The following PRKCA variants were observed in gnomAD, a reference collection of about 807,000 sequenced individuals.
PRKCA encodes the protein protein kinase C alpha type.
PRKCA carries 27 observed loss-of-function variants against 87.0 expected under a neutral mutation model. The ratio of observed to expected loss-of-function variants is 0.31; its 90% CI spans 0.23 to 0.43. The LOEUF is 0.43. Ranked by LOEUF, PRKCA falls within the 20% of genes least tolerant of loss-of-function variation. PRKCA has a pLI of 1.00. For missense variants in PRKCA, 518 were observed against 852.3 expected, an observed-to-expected ratio of 0.61 and a Z score of 4.88; for synonymous variants, 329 against 311.1, an observed-to-expected ratio of 1.06 and a Z score of -0.61.
chr17:66,711,108 C>G (rs1294745620), intron 8 of PRKCA, among the ~76,000 whole-genome samples: 2 of 151,364 alleles, frequency 1.3e-5, no homozygotes, highest in African/African-American at 4.9e-5. Context: ...TCAAAACCTC[C>G]TATCAGTGAT....
chr17:66,736,965 C>T (rs1383157761), intron 10 of PRKCA, among the ~76,000 whole-genome samples: 2 of 152,100 alleles, frequency 1.3e-5, no homozygotes, highest in African/African-American at 4.8e-5. Flanking sequence ...AAAAAGTTTG[C>T]TGAGCTCTGT....
chr17:66,498,484 C>G (rs1013941806), intron 3 of PRKCA, among the ~76,000 whole-genome samples: 1 of 152,136 alleles, frequency 6.6e-6, no homozygotes, highest in Non-Finnish European at 1.5e-5. Context: ...TTTTTCTTCC[C>G]CCTCCTACTT....
rs1485055138 is a variant in PRKCA at position 66,587,895 on chromosome 17, G to GTGTGTATATATA, written c.289-53459_289-53458insGTGTATATATAT. 4.7e-5 allele frequency among the ~76,000 whole-genome samples: 4 copies of GTGTGTATATATA among 85,394 alleles called. No homozygotes were observed. In the South Asian group the frequency reaches 1.3e-3, roughly 29 times the overall value. 56.0% of individuals were successfully genotyped at this position (85,394 alleles called of 152,430 possible). A position where few individuals can be genotyped will look rare whatever the true frequency, so the allele number is the denominator to read the frequency against. On this transcript the variant is annotated intron_variant, in intron 3 of 16. Coordinates refer to ENST00000413366, the MANE Select transcript of PRKCA (RefSeq NM_002737.3). ...TGTGTGTGTGTGTGTGTGTGTGTGT[G>GTGTGTATATATA]TATATATATATATATATATATATAT...
chr17:66,374,998 G>C (rs1459432720), intron 2 of PRKCA, among the ~76,000 whole-genome samples: 1 of 152,064 alleles, frequency 6.6e-6, no homozygotes, highest in African/African-American at 2.4e-5. Flanking sequence ...CTCTCGAAGT[G>C]CTGGGATTAC....
rs184478807 is a variant in PRKCA at position 66,334,377 on chromosome 17, C to T, written c.205+28250C>T. Among the ~76,000 whole-genome samples, 84 of 152,224 alleles carry T rather than the reference C, an allele frequency of 5.5e-4. 1 individual carries two copies. Among genetic ancestry groups the T allele is most frequent in the South Asian group, 5.0e-3 (24 of 4,824 alleles). On this transcript the variant is annotated intron_variant, in intron 2 of 16. Coordinates refer to ENST00000413366, the MANE Select transcript of PRKCA (RefSeq NM_002737.3). ...TTCTGTCTTTTTAAGTGTGTGTGTG[C>T]TTATTTTTTTTTCCTCATGTTACAA...
intron 2 of PRKCA, among the ~76,000 whole-genome samples, chr17:66,414,530 C>T (rs886945882): frequency 1.3e-5 from 2 of 152,168 alleles, no homozygotes; most frequent in African/African-American, 4.8e-5. Context: ...AATGAGAGAA[C>T]AGATGAATAC....
rs563270860 is a variant in PRKCA at position 66,716,699 on chromosome 17, A to G, written c.919-15989A>G. Among the ~76,000 whole-genome samples, 20 of 152,280 alleles carry G rather than the reference A, an allele frequency of 1.3e-4. No homozygotes were observed. The East Asian group carries it at 3.3e-3, about 25-fold the overall frequency. ...AATTTGGTTGGCTGCAAAGAAAATCACACACCGGGATACTAGAGGTGAATA... is the reference window on the plus strand; with the variant it reads ...AATTTGGTTGGCTGCAAAGAAAATCGCACACCGGGATACTAGAGGTGAATA... On this transcript the variant is annotated intron_variant, in intron 8 of 16. Transcript: ENST00000413366.
chr17:66,447,523 T>C (rs1229541566), intron 2 of PRKCA, among the ~76,000 whole-genome samples: 1 of 152,190 alleles, frequency 6.6e-6, no homozygotes, highest in Non-Finnish European at 1.5e-5. Flanking sequence ...GTTTTCTTGC[T>C]AAAGTGCAGC....
At chr17:66,558,928 C>T (rs891079736) in intron 3 of PRKCA, among the ~76,000 whole-genome samples, 9 of 152,116 alleles carry the variant, frequency 5.9e-5, no homozygotes, top group Admixed American at 4.6e-4. Flanking sequence ...TCTGATGCTG[C>T]CCTACTAAAG....
intron 3 of PRKCA, among the ~76,000 whole-genome samples, chr17:66,531,400 C>T (rs764210716): frequency 6.6e-6 from 1 of 152,210 alleles, no homozygotes; most frequent in African/African-American, 2.4e-5. Flanking sequence ...ATTAAATCCA[C>T]ATCTCCGGGG....
intron 13 of PRKCA, among the ~76,000 whole-genome samples, chr17:66,756,689 T>C (rs1034670208): frequency 6.6e-6 from 1 of 151,404 alleles, no homozygotes; most frequent in Non-Finnish European, 1.5e-5. Context: ...GGAGATGGAG[T>C]CTTGCTCTGT....
chr17:66,503,191 G>C (rs144792340), intron 3 of PRKCA, among the ~76,000 whole-genome samples: 1 of 152,104 alleles, frequency 6.6e-6, no homozygotes, highest in South Asian at 2.1e-4. Flanking sequence ...TCGCGTTTTT[G>C]TTGAGCCATT....
At chr17:66,732,647 A>G (rs1429450257) in intron 8 of PRKCA, 41 bp from the exon 9 acceptor site, 1 of 1,611,580 alleles carries the variant, frequency 6.2e-7, no homozygotes, top group Non-Finnish European at 8.5e-7. Flanking sequence ...CTTTCCCCAG[A>G]AAAATGACCC....
At chr17:66,552,705 A>G (rs1018245849) in intron 3 of PRKCA, among the ~76,000 whole-genome samples, 1 of 152,172 alleles carries the variant, frequency 6.6e-6, no homozygotes, top group African/African-American at 2.4e-5. Context: ...CTAATCACAT[A>G]AGTGACAACC....
chr17:66,565,754 T>C (rs961453921), intron 3 of PRKCA, among the ~76,000 whole-genome samples: 3 of 152,036 alleles, frequency 2.0e-5, no homozygotes, highest in Admixed American at 2.0e-4. Context: ...TGTGCCCTCC[T>C]GTCTTGGTGG....
rs1229084236 is a variant in PRKCA at position 66,377,721 on chromosome 17, A to ATTTTTTT, written c.205+71609_205+71615dup. Among the ~76,000 whole-genome samples the ATTTTTTT allele has an allele frequency of 9.8e-4, 68 of 69,138 alleles. 3 individuals carry two copies. Among genetic ancestry groups the ATTTTTTT allele is most frequent in the Admixed American group, 2.0e-3 (7 of 3,570 alleles). The allele number at this position is 69,138 out of a possible 152,430, so 45.4% of individuals were successfully genotyped here. A position where few individuals can be genotyped will look rare whatever the true frequency, so the allele number is the denominator to read the frequency against. ...ATGTTTTATATATATATATATATAT[A>ATTTTTTT]TTTTTTTTTTTTTTTTTTTTTGAGG... On this transcript the variant is annotated intron_variant, in intron 2 of 16. Coordinates refer to ENST00000413366, the MANE Select transcript of PRKCA (RefSeq NM_002737.3).
intron 2 of PRKCA, among the ~76,000 whole-genome samples, chr17:66,333,954 A>G (rs553334273): frequency 6.6e-6 from 1 of 152,316 alleles, no homozygotes; most frequent in East Asian, 1.9e-4. Flanking sequence ...AAGTGCAAAT[A>G]AAGTGTAAAA....
chr17:66,573,462 A>C (rs1969137395), intron 3 of PRKCA, among the ~76,000 whole-genome samples: 1 of 152,234 alleles, frequency 6.6e-6, no homozygotes, highest in South Asian at 2.1e-4. Context: ...AGTAGAATAG[A>C]AAAGAGAAAA....
intron 2 of PRKCA, among the ~76,000 whole-genome samples, chr17:66,322,356 A>C (rs1211410074): frequency 5.9e-5 from 9 of 152,232 alleles, no homozygotes; most frequent in Non-Finnish European, 1.3e-4. Context: ...AGCACTTAAA[A>C]TGTAGAATGA....
Sources: allele counts gnomAD v4.1 joint callset (sites outside exome capture counted in the v4.1 genomes callset), GRCh38; gene constraint gnomAD v4.1.1; transcripts MANE v1.5; gene names NCBI Gene and HGNC (gene_info 2026-07-23, HGNC 2026-07-21).